Variants in CDH18 observed in about 807,000 individuals in gnomAD.
The protein encoded by CDH18 is cadherin 18.
CDH18 carries 31 observed loss-of-function variants against 67.9 expected under a neutral mutation model. That is an observed-to-expected ratio of 0.46 (90% CI 0.34 to 0.62). The LOEUF is 0.62. Among genes scored for constraint, CDH18 ranks in the 20% least tolerant of loss-of-function variants. The probability of loss-of-function intolerance (pLI) is 0.01; values close to 1 mark genes in which losing one functional copy is unlikely to be tolerated. For synonymous variants in CDH18, 362 were observed against 347.2 expected, an observed-to-expected ratio of 1.04 and a Z score of -0.48; for missense variants, 890 against 975.5, an observed-to-expected ratio of 0.91 and a Z score of 1.17.
intron 5 of CDH18, among the ~76,000 whole-genome samples, chr5:19,684,070 A>G (rs1760719477): frequency 6.6e-6 from 1 of 151,974 alleles, no homozygotes; most frequent in Non-Finnish European, 1.5e-5. Flanking sequence ...CCGTGCCCCC[A>G]GTTCATTTGA....
chr5:19,680,134 C>A (rs1356110289), intron 5 of CDH18, among the ~76,000 whole-genome samples: 1 of 151,844 alleles, frequency 6.6e-6, no homozygotes, highest in African/African-American at 2.4e-5. Flanking sequence ...ACATGTACCG[C>A]CATCTGATCT....
At chr5:20,551,243 CTTTAA>C (rs956676204) in intron 1 of CDH18, among the ~76,000 whole-genome samples, 1 of 151,976 alleles carries the variant, frequency 6.6e-6, no homozygotes, top group African/African-American at 2.4e-5. Context: ...AAAGATAAAT[CTTTAA>C]TTTTCCTTCA....
At chr5:20,281,105 T>C (rs1746230040) in intron 1 of CDH18, among the ~76,000 whole-genome samples, 1 of 152,204 alleles carries the variant, frequency 6.6e-6, no homozygotes, top group South Asian at 2.1e-4. Context: ...TTCTGGATAT[T>C]AGCCCTTTGT....
intron 2 of CDH18, among the ~76,000 whole-genome samples, chr5:20,194,250 A>C (rs1396774563): frequency 6.6e-6 from 1 of 152,128 alleles, no homozygotes; most frequent in South Asian, 2.1e-4. Flanking sequence ...CCTTGTGATA[A>C]GCAACTTCAG....
At chr5:19,759,393 G>C (rs1581223867) in intron 3 of CDH18, among the ~76,000 whole-genome samples, 1 of 152,120 alleles carries the variant, frequency 6.6e-6, no homozygotes, top group Admixed American at 6.5e-5. Flanking sequence ...AGCTCTAAAG[G>C]CTTCCATTTG....
chr5:20,337,053 A>G (rs1315087184), intron 1 of CDH18, among the ~76,000 whole-genome samples: 1 of 152,142 alleles, frequency 6.6e-6, no homozygotes, highest in Admixed American at 6.5e-5. Context: ...TCTGCCACAT[A>G]AAAGAGGCTG....
chr5:19,762,571 T>C (rs1182013503), intron 3 of CDH18, among the ~76,000 whole-genome samples: 1 of 152,022 alleles, frequency 6.6e-6, no homozygotes, highest in East Asian at 1.9e-4. Flanking sequence ...CCAGTTAGAA[T>C]GGTGATCATT....
chr5:20,354,838 T>A (rs1741479915), intron 1 of CDH18, among the ~76,000 whole-genome samples: 1 of 152,132 alleles, frequency 6.6e-6, no homozygotes, highest in African/African-American at 2.4e-5. Flanking sequence ...ACAATAGGAT[T>A]ATCAGATCTC....
At chr5:20,274,705 T>C (rs1018901004) in intron 1 of CDH18, among the ~76,000 whole-genome samples, 2 of 152,200 alleles carry the variant, frequency 1.3e-5, no homozygotes, top group Admixed American at 6.6e-5. Context: ...TTTTGATACA[T>C]GTAAAACCAA....
chr5:19,725,629 C>T (rs548033366), intron 4 of CDH18, among the ~76,000 whole-genome samples: 26 of 152,010 alleles, frequency 1.7e-4, no homozygotes, highest in Non-Finnish European at 2.9e-4. Context: ...ATTATCTGGA[C>T]GTGGTGGTGC....
chr5:20,322,644 T>C (rs903014418), intron 1 of CDH18, among the ~76,000 whole-genome samples: 1 of 152,102 alleles, frequency 6.6e-6, no homozygotes, highest in African/African-American at 2.4e-5. Flanking sequence ...GTTAGACTAG[T>C]CTCTCTTGTA....
At chr5:19,488,958 G>A (rs1049694066) in intron 11 of CDH18, among the ~76,000 whole-genome samples, 1 of 151,828 alleles carries the variant, frequency 6.6e-6, no homozygotes, top group African/African-American at 2.4e-5. Context: ...TTGTCTTTCT[G>A]CCAAACTACA....
rs59352613 is a variant in CDH18 at position 19,493,104 on chromosome 5, C to G, written c.1631-9552G>C. Among the ~76,000 whole-genome samples the G allele has an allele frequency of 3.9e-4, 59 of 152,282 alleles. No individual in the cohort carries two copies. In the East Asian group the frequency reaches 9.9e-3, roughly 25 times the overall value. On this transcript the variant is annotated intron_variant, in intron 11 of 12. Coordinates refer to ENST00000382275, the MANE Select transcript of CDH18 (RefSeq NM_004934.5). ...TGAAAAGTAATCTCTGAGTCACTCT[C>G]CCTGGTGGAACAGCCTCTATCCTTA...
At chr5:20,237,331 A>G (rs1323585617) in intron 2 of CDH18, among the ~76,000 whole-genome samples, 2 of 151,958 alleles carry the variant, frequency 1.3e-5, no homozygotes, top group Admixed American at 6.6e-5. Context: ...TGCCCATTAA[A>G]TAAAGAAAGA....
At chr5:20,037,767 G>A (rs1361451872) in intron 2 of CDH18, among the ~76,000 whole-genome samples, 3 of 152,104 alleles carry the variant, frequency 2.0e-5, no homozygotes, top group South Asian at 2.1e-4. Flanking sequence ...ATCTAAAATT[G>A]ACACCCCAGC....
chr5:20,264,926 A>T (rs1744918092), intron 1 of CDH18, among the ~76,000 whole-genome samples: 1 of 152,114 alleles, frequency 6.6e-6, no homozygotes, highest in South Asian at 2.1e-4. Context: ...CTAGTTTCCC[A>T]AGAATGATTT....
intron 2 of CDH18, among the ~76,000 whole-genome samples, chr5:20,253,718 T>G (rs115086404): frequency 0.011 from 1,736 of 152,242 alleles, 26 homozygotes; most frequent in African/African-American, 0.04. Context: ...TGTAAAAAGT[T>G]AAACAAAATC....
At chr5:19,577,242 T>C (rs1466844446) in intron 7 of CDH18, among the ~76,000 whole-genome samples, 1 of 152,188 alleles carries the variant, frequency 6.6e-6, no homozygotes, top group African/African-American at 2.4e-5. Context: ...GAGAGAATTT[T>C]AAATGTTCTC....
chr5:19,949,505 C>G (rs986160505), intron 2 of CDH18, among the ~76,000 whole-genome samples: 2 of 151,970 alleles, frequency 1.3e-5, no homozygotes, highest in Non-Finnish European at 2.9e-5. Flanking sequence ...GAACAATATG[C>G]CCCCAAATTT....
Sources: gnomAD v4.1 joint callset for allele counts (sites outside exome capture counted in the v4.1 genomes callset) on GRCh38, gnomAD v4.1.1 for gene constraint, MANE v1.5 for transcripts, NCBI Gene and HGNC (gene_info 2026-07-23, HGNC 2026-07-21) for gene names.